The following RUNX1 variants were observed in gnomAD, a reference collection of about 807,000 sequenced individuals.
RUNX1 encodes the protein runt-related transcription factor 1.
In RUNX1, 19 loss-of-function variants were observed where a neutral mutation model predicts 42.8. That is an observed-to-expected ratio of 0.44 (90% CI 0.31 to 0.65). The LOEUF is 0.65. Ranked by LOEUF, RUNX1 falls within the 30% of genes least tolerant of loss-of-function variation. The probability of loss-of-function intolerance (pLI) is 0.07; values close to 1 mark genes in which losing one functional copy is unlikely to be tolerated. For synonymous variants in RUNX1, 271 were observed against 289.4 expected, an observed-to-expected ratio of 0.94 and a Z score of 0.64; for missense variants, 528 against 672.0, an observed-to-expected ratio of 0.79 and a Z score of 2.37.
chr21:34,880,411 A>C lies in RUNX1; in HGVS notation c.508+146T>G, dbSNP rs900303608. On this transcript the variant is annotated intron_variant, in intron 5 of 8. Coordinates refer to ENST00000675419, the MANE Select transcript of RUNX1 (RefSeq NM_001754.5). ...TGCTAAAAATATTAAACTTCAAATAAATATTTTTAAGAGCTTGACATAGCA... is the reference window on the plus strand; with the variant it reads ...TGCTAAAAATATTAAACTTCAAATACATATTTTTAAGAGCTTGACATAGCA... 1.2e-5 allele frequency: 9 copies of C among 738,008 alleles called. No homozygotes were observed. In the Admixed American group the frequency reaches 2.2e-4, roughly 18 times the overall value. 45.7% of individuals were successfully genotyped at this position (738,008 alleles called of 1,614,324 possible).
intron 5 of RUNX1, among the ~76,000 whole-genome samples, chr21:34,865,446 T>C (rs2057647509): frequency 1.3e-5 from 2 of 152,194 alleles, no homozygotes; most frequent in Non-Finnish European, 1.5e-5. Context: ...TGATATGCTA[T>C]GTAAACAAGC....
intron 7 of RUNX1, among the ~76,000 whole-genome samples, chr21:34,826,518 A>G (rs905457418): frequency 9.7e-5 from 14 of 143,760 alleles, no homozygotes; most frequent in African/African-American, 3.6e-4. Flanking sequence ...GCTCACTGCA[A>G]CCTCCACCTC....
intron 5 of RUNX1, among the ~76,000 whole-genome samples, chr21:34,859,940 T>C (rs2057548067): frequency 6.6e-6 from 1 of 152,238 alleles, no homozygotes; most frequent in Admixed American, 6.5e-5. Context: ...TTATTTATAA[T>C]TCAGGGCAAA....
chr21:34,985,795 A>G (rs1332370971), intron 2 of RUNX1, among the ~76,000 whole-genome samples: 1 of 151,238 alleles, frequency 6.6e-6, no homozygotes, highest in African/African-American at 2.4e-5. Context: ...TCCTTCTCCA[A>G]CGATGTGGTA....
At chr21:34,836,626 A>G (rs952276577) in intron 6 of RUNX1, among the ~76,000 whole-genome samples, 1 of 152,216 alleles carries the variant, frequency 6.6e-6, no homozygotes, top group Non-Finnish European at 1.5e-5. Context: ...GGTAAAGAAG[A>G]AGGCAGGAAC....
chr21:34,977,506 A>T (rs2058811781), intron 2 of RUNX1, among the ~76,000 whole-genome samples: 1 of 152,216 alleles, frequency 6.6e-6, no homozygotes. Flanking sequence ...TATCAGCCAA[A>T]ACTATAATTT....
chr21:34,953,199 C>T (rs1010565245), intron 2 of RUNX1, among the ~76,000 whole-genome samples: 1 of 151,900 alleles, frequency 6.6e-6, no homozygotes, highest in African/African-American at 2.4e-5. Context: ...ATGCAACAAG[C>T]GTTGACAAGT....
chr21:34,946,458 T>C lies in RUNX1; in HGVS notation c.59-53495A>G, dbSNP rs573994221. Among the ~76,000 whole-genome samples the C allele has an allele frequency of 3.9e-5, 6 of 152,288 alleles. No individual in the cohort carries two copies. In the East Asian group the frequency reaches 1.2e-3, roughly 29 times the overall value. On this transcript the variant is annotated intron_variant, in intron 2 of 8. Transcript: ENST00000675419. The stretch of plus-strand genomic sequence containing the variant: ...CTTCACACTTCTGCACTTGCCATCC[T>C]TCAAGGCCCAGTTCTGTTGACATAG...
intron 2 of RUNX1, among the ~76,000 whole-genome samples, chr21:34,946,335 C>T (rs923605120): frequency 6.6e-6 from 1 of 152,146 alleles, no homozygotes; most frequent in Admixed American, 6.6e-5. Context: ...AGCCATGGTC[C>T]CACAAATACC....
intron 2 of RUNX1, among the ~76,000 whole-genome samples, chr21:35,041,559 A>C (rs1157377198): frequency 6.6e-6 from 1 of 152,266 alleles, no homozygotes; most frequent in Non-Finnish European, 1.5e-5. Context: ...TTGCAGAAAA[A>C]CAAAATGAAA....
At chr21:34,959,951 G>C (rs1244636870) in intron 2 of RUNX1, among the ~76,000 whole-genome samples, 3 of 152,158 alleles carry the variant, frequency 2.0e-5, no homozygotes, top group Non-Finnish European at 4.4e-5. Flanking sequence ...AGCACCAGGG[G>C]TGTAGGACTG....
chr21:34,981,857 T>G (rs1480862720), intron 2 of RUNX1, among the ~76,000 whole-genome samples: 1 of 152,200 alleles, frequency 6.6e-6, no homozygotes, highest in African/African-American at 2.4e-5. Flanking sequence ...CTGAGACCGG[T>G]CTTTCTGTAT....
chr21:34,954,594 A>C (rs1211724760), intron 2 of RUNX1, among the ~76,000 whole-genome samples: 1 of 152,170 alleles, frequency 6.6e-6, no homozygotes, highest in African/African-American at 2.4e-5. Context: ...CCAACTAATT[A>C]GATTGTGGTT....
At chr21:34,834,902 C>G (rs1318737801) in intron 6 of RUNX1, among the ~76,000 whole-genome samples, 2 of 152,162 alleles carry the variant, frequency 1.3e-5, no homozygotes, top group Non-Finnish European at 2.9e-5. Flanking sequence ...AGATACAGAA[C>G]TTGGCGGTGG....
chr21:35,025,090 T>G (rs2146955943), intron 2 of RUNX1, among the ~76,000 whole-genome samples: 1 of 152,370 alleles, frequency 6.6e-6, no homozygotes, highest in East Asian at 1.9e-4. Context: ...GCTGTTAGAA[T>G]GGTGCTCCCT....
intron 2 of RUNX1, among the ~76,000 whole-genome samples, chr21:35,009,900 G>A (rs1169437082): frequency 1.3e-5 from 2 of 152,186 alleles, no homozygotes; most frequent in African/African-American, 4.8e-5. Flanking sequence ...ATATGTAAAA[G>A]ATGAGCAGAT....
At chr21:34,833,018 A>G (rs2146063418) in intron 7 of RUNX1, 1 of 152,334 alleles carries the variant, frequency 6.6e-6, no homozygotes, top group East Asian at 1.9e-4. Flanking sequence ...TTCCCCAGAA[A>G]CCTAACAGTG....
intron 2 of RUNX1, among the ~76,000 whole-genome samples, chr21:34,934,561 G>A (rs1378597796): frequency 1.3e-5 from 2 of 152,246 alleles, no homozygotes; most frequent in East Asian, 3.9e-4. Context: ...GCTTGGCCTT[G>A]GAGGCACCAA....
chr21:34,853,953 C>T (rs917867274), intron 6 of RUNX1, among the ~76,000 whole-genome samples: 3 of 152,044 alleles, frequency 2.0e-5, no homozygotes, highest in Admixed American at 1.3e-4. Flanking sequence ...GCTGGGACTA[C>T]AGGCGTGTAC....
Sources: allele counts gnomAD v4.1 joint callset (sites outside exome capture counted in the v4.1 genomes callset), GRCh38; gene constraint gnomAD v4.1.1; transcripts MANE v1.5; gene names NCBI Gene and HGNC (gene_info 2026-07-23, HGNC 2026-07-21).